Variants in CDIN1 observed in about 807,000 individuals in gnomAD.
The protein encoded by CDIN1 is CDAN1 interacting nuclease 1, also known as CDAN1-interacting nuclease 1.
Under a neutral mutation model 45.3 loss-of-function variants are expected in CDIN1, and 33 were observed. The ratio of observed to expected loss-of-function variants is 0.73; its 90% CI spans 0.55 to 0.97. The LOEUF (loss-of-function observed/expected upper bound fraction) is 0.97, where lower values mean the gene tolerates loss of function less well. Ranked by LOEUF, CDIN1 falls within the 50% of genes least tolerant of loss-of-function variation. The probability of loss-of-function intolerance (pLI) is 0.00; values close to 1 mark genes in which losing one functional copy is unlikely to be tolerated. For synonymous variants in CDIN1, 118 were observed against 124.4 expected (o/e 0.95, Z 0.34); for missense variants, 303 against 339.4 (o/e 0.89, Z 0.84).
At position 36,809,265 on chromosome 15, in the gene CDIN1, C is replaced by T. The variant is rs2055328359; in HGVS notation, c.*812C>T. ...ACATTGAGGAGAGTTTATTTTTAAA[C>T]ATGGCTAGTTGTCAGTATGTACGTG... On this transcript the variant is annotated 3_prime_UTR_variant, in exon 11 of 11. Coordinates refer to ENST00000566621, the MANE Select transcript of CDIN1 (RefSeq NM_001321759.2). 1 of 246,108 alleles carries T rather than the reference C, an allele frequency of 4.1e-6. No individual in the cohort carries two copies. Among genetic ancestry groups the T allele is most frequent in the South Asian group, 5.0e-5 (1 of 19,966 alleles). 15.2% of individuals were successfully genotyped at this position (246,108 alleles called of 1,614,324 possible).
intron 8 of CDIN1, among the ~76,000 whole-genome samples, chr15:36,699,074 T>C (rs1376627821): frequency 6.6e-6 from 1 of 152,176 alleles, no homozygotes; most frequent in East Asian, 1.9e-4. Flanking sequence ...GTAATTATTT[T>C]ATGGAAGCAT....
At chr15:36,743,629 C>T (rs955742423) in intron 10 of CDIN1, among the ~76,000 whole-genome samples, 17 of 152,138 alleles carry the variant, frequency 1.1e-4, no homozygotes, top group African/African-American at 4.1e-4. Flanking sequence ...CAGTGGCTCA[C>T]ACCTGTAATT....
chr15:36,711,872 T>C (rs541726024), intron 10 of CDIN1, among the ~76,000 whole-genome samples: 1 of 152,276 alleles, frequency 6.6e-6, no homozygotes, highest in Non-Finnish European at 1.5e-5. Flanking sequence ...TTTACTTATA[T>C]ATAAAATTTG....
At chr15:36,620,219 C>T (rs868315811) in intron 1 of CDIN1, among the ~76,000 whole-genome samples, 8 of 151,988 alleles carry the variant, frequency 5.3e-5, no homozygotes, top group East Asian at 1.9e-4. Context: ...GGAGTGGTGG[C>T]GGGCGCCTGT....
At chr15:36,589,580 A>G (rs2037471728) in intron 1 of CDIN1, among the ~76,000 whole-genome samples, 1 of 151,172 alleles carries the variant, frequency 6.6e-6, no homozygotes. Flanking sequence ...ATCTCGGCTC[A>G]CTGCAAGCTC....
intron 1 of CDIN1, among the ~76,000 whole-genome samples, chr15:36,585,777 A>T (rs1456212031): frequency 2.0e-5 from 3 of 152,172 alleles, no homozygotes; most frequent in Non-Finnish European, 4.4e-5. Flanking sequence ...TATAATAGGA[A>T]AATAATTTTG....
chr15:36,709,910 AATGTAGCCACCAC>A lies in CDIN1; in HGVS notation c.666_678del (p.Cys223ProfsTer18). 6.2e-7 allele frequency: 1 copy of A among 1,613,374 alleles called. No individual in the cohort carries two copies. The highest frequency in any genetic ancestry group is 8.5e-7 in the Non-Finnish European group (1 of 1,179,476). On this transcript the variant is annotated frameshift_variant, in exon 10 of 11. Transcript: ENST00000566621. LOFTEE classifies it high-confidence loss of function. ...GAAAGCAAAGCCTCATTTGGTGATG[AATGTAGCCACCAC>A]GCCTACCTGCATGACCAGTTCTGGA...
At chr15:36,704,982 T>C (rs1023120073) in intron 8 of CDIN1, 1 of 152,222 alleles carries the variant, frequency 6.6e-6, no homozygotes, top group Non-Finnish European at 1.5e-5. Flanking sequence ...TGACTCAAAA[T>C]CAGCTCTTTA....
chr15:36,680,072 G>A (rs1188044555), intron 5 of CDIN1, among the ~76,000 whole-genome samples: 3 of 152,224 alleles, frequency 2.0e-5, no homozygotes, highest in Non-Finnish European at 4.4e-5. Flanking sequence ...TCCCAAGCTT[G>A]ATGATTAGCA....
chr15:36,783,035 A>C (rs1399662673), intron 10 of CDIN1, among the ~76,000 whole-genome samples: 1 of 152,194 alleles, frequency 6.6e-6, no homozygotes, highest in Non-Finnish European at 1.5e-5. Flanking sequence ...CTTTTATGCC[A>C]TTCATTGGGA....
At chr15:36,654,513 CAAAAAAA>C (rs35679788) in intron 4 of CDIN1, among the ~76,000 whole-genome samples, 1 of 95,314 alleles carries the variant, frequency 1.0e-5, no homozygotes, top group Non-Finnish European at 2.1e-5. Context: ...AGATGGATGC[CAAAAAAA>C]AAAAAAAAAA....
chr15:36,630,800 G>A (rs1942812630), intron 1 of CDIN1, among the ~76,000 whole-genome samples: 1 of 152,164 alleles, frequency 6.6e-6, no homozygotes, highest in South Asian at 2.1e-4. Flanking sequence ...TATGTGCAGA[G>A]ACCACATGGT....
At chr15:36,634,361 T>G (rs190795490) in intron 1 of CDIN1, among the ~76,000 whole-genome samples, 1,632 of 152,116 alleles carry the variant, frequency 0.011, 25 homozygotes, top group African/African-American at 0.037. Context: ...GAGTCAGAGG[T>G]TGCAGTGAGC....
At chr15:36,750,072 G>C (rs952026389) in intron 10 of CDIN1, among the ~76,000 whole-genome samples, 1 of 152,168 alleles carries the variant, frequency 6.6e-6, no homozygotes, top group African/African-American at 2.4e-5. Flanking sequence ...GCCTAGAAAA[G>C]AATTATGTGT....
At chr15:36,776,232 G>A (rs1372514787) in intron 10 of CDIN1, among the ~76,000 whole-genome samples, 1 of 152,216 alleles carries the variant, frequency 6.6e-6, no homozygotes, top group African/African-American at 2.4e-5. Context: ...TTACCTCACA[G>A]ATTTAGGATA....
At chr15:36,580,884 T>C (rs1435141507) in intron 1 of CDIN1, among the ~76,000 whole-genome samples, 1 of 152,246 alleles carries the variant, frequency 6.6e-6, no homozygotes, top group Non-Finnish European at 1.5e-5. Context: ...ATTCAGTCCC[T>C]GAACAAACAC....
intron 8 of CDIN1, among the ~76,000 whole-genome samples, chr15:36,701,758 C>T (rs2042653780): frequency 6.6e-6 from 1 of 152,158 alleles, no homozygotes; most frequent in Admixed American, 6.6e-5. Flanking sequence ...CCCTGCCTCA[C>T]CCTCGCCCCC....
chr15:36,680,144 A>G (rs1432181114), intron 5 of CDIN1, among the ~76,000 whole-genome samples: 3 of 152,222 alleles, frequency 2.0e-5, no homozygotes, highest in Non-Finnish European at 2.9e-5. Flanking sequence ...AATGCATTTT[A>G]TAGCCACCAA....
intron 10 of CDIN1, among the ~76,000 whole-genome samples, chr15:36,765,327 A>G (rs992514054): frequency 2.6e-5 from 4 of 152,038 alleles, no homozygotes; most frequent in African/African-American, 9.7e-5. Flanking sequence ...AAGTGCTGGG[A>G]TTACAGGCGC....
Sources: allele counts gnomAD v4.1 joint callset (sites outside exome capture counted in the v4.1 genomes callset), GRCh38; gene constraint gnomAD v4.1.1; transcripts MANE v1.5; gene names NCBI Gene and HGNC (gene_info 2026-07-23, HGNC 2026-07-21).